Variants in NAALADL2 observed in about 807,000 individuals in gnomAD.
The protein encoded by NAALADL2 is N-acetylated alpha-linked acidic dipeptidase like 2, also known as inactive N-acetylated-alpha-linked acidic dipeptidase-like protein 2.
NAALADL2 carries 76 observed loss-of-function variants against 87.2 expected under a neutral mutation model. That is an observed-to-expected ratio of 0.87 (90% confidence interval 0.72 to 1.05). NAALADL2 has a LOEUF of 1.05. Among genes scored for constraint, NAALADL2 ranks in the 50% least tolerant of loss-of-function variants. The pLI, the probability that NAALADL2 is intolerant of heterozygous loss-of-function variation, is 0.00. For missense variants in NAALADL2, 1,089 were observed against 945.8 expected (o/e 1.15, Z -1.99); for synonymous variants, 354 against 331.0 (o/e 1.07, Z -0.75).
intron 2 of NAALADL2, among the ~76,000 whole-genome samples, chr3:175,194,366 T>A (rs1235409984): frequency 6.6e-6 from 1 of 151,796 alleles, no homozygotes; most frequent in Non-Finnish European, 1.5e-5. Context: ...GCTCACCTCA[T>A]CCCTACCAAA....
At chr3:175,692,267 T>C (rs1239235769) in intron 11 of NAALADL2, among the ~76,000 whole-genome samples, 1 of 152,120 alleles carries the variant, frequency 6.6e-6, no homozygotes, top group African/African-American at 2.4e-5. Flanking sequence ...TAATTATTCA[T>C]AGTTAGTTCA....
chr3:174,871,269 T>C (rs1029357986), intron 1 of NAALADL2, among the ~76,000 whole-genome samples: 3 of 152,226 alleles, frequency 2.0e-5, no homozygotes, highest in Non-Finnish European at 4.4e-5. Context: ...CTTTATATTA[T>C]CCATAAACAT....
chr3:174,601,339 C>A (rs1341588263), intron 2 of NAALADL2, among the ~76,000 whole-genome samples: 1 of 152,116 alleles, frequency 6.6e-6, no homozygotes, highest in African/African-American at 2.4e-5. Context: ...GCCATTTTAA[C>A]TGGGGTGAGA....
chr3:175,430,147 A>C lies in NAALADL2; in HGVS notation c.1091-17082A>C, dbSNP rs185071855. On this transcript the variant is annotated intron_variant, in intron 5 of 13. Transcript: ENST00000454872. ...AGAAACAGTGATTATTATTCTGTGG[A>C]TCCTTTCATCTTTAATATTCTGATT... 5.3e-5 allele frequency among the ~76,000 whole-genome samples: 8 copies of C among 151,984 alleles called. No homozygotes were observed. The East Asian group carries it at 9.7e-4, about 18-fold the overall frequency.
rs532267800 is a variant in NAALADL2, at chr3:174,841,014, C to T, written c.-9+103268C>T. ...CTCCTGGACTCATTTTTTAGGAAAG[C>T]ATGTTATGCCACTTTGACTTTATTA... On this transcript the variant is annotated intron_variant, in intron 3 of 3. Transcript: ENST00000434257. Among the ~76,000 whole-genome samples the T allele has an allele frequency of 2.0e-5, 3 of 147,390 alleles. No individual in the cohort carries two copies. In the Admixed American group the frequency reaches 2.1e-4, roughly 10 times the overall value.
intron 3 of NAALADL2, among the ~76,000 whole-genome samples, chr3:174,819,092 C>T (rs1485594186): frequency 2.1e-5 from 1 of 48,570 alleles, no homozygotes; most frequent in African/African-American, 7.1e-5. Context: ...TTTTTGGAGA[C>T]AGGATTTCCT....
At chr3:175,749,430 G>A (rs1746352904) in intron 12 of NAALADL2, among the ~76,000 whole-genome samples, 1 of 152,166 alleles carries the variant, frequency 6.6e-6, no homozygotes. Context: ...TGGAGGTTTG[G>A]AAGTCTAAGA....
chr3:174,718,301 C>T (rs1202673837), intron 2 of NAALADL2, among the ~76,000 whole-genome samples: 1 of 152,108 alleles, frequency 6.6e-6, no homozygotes. Flanking sequence ...CAATTTATAT[C>T]ATTGACCTTG....
intron 5 of NAALADL2, among the ~76,000 whole-genome samples, chr3:175,334,009 A>G (rs888582480): frequency 1.3e-5 from 2 of 152,204 alleles, no homozygotes; most frequent in African/African-American, 4.8e-5. Flanking sequence ...ATATTTTGAC[A>G]TCTTTGTATG....
chr3:174,582,968 A>G (rs1025325514), intron 2 of NAALADL2, among the ~76,000 whole-genome samples: 1 of 152,186 alleles, frequency 6.6e-6, no homozygotes, highest in Non-Finnish European at 1.5e-5. Flanking sequence ...GGAAATGTCT[A>G]AGTTCATCTG....
chr3:175,207,083 G>T (rs1420334784), intron 2 of NAALADL2, among the ~76,000 whole-genome samples: 2 of 152,014 alleles, frequency 1.3e-5, no homozygotes, highest in African/African-American at 4.8e-5. Context: ...ACATAAAGAC[G>T]GGTTGAATGA....
intron 2 of NAALADL2, among the ~76,000 whole-genome samples, chr3:174,680,737 A>C (rs1332567669): frequency 1.3e-5 from 2 of 152,198 alleles, no homozygotes; most frequent in Admixed American, 1.3e-4. Context: ...AAAATTACAT[A>C]GTGACATGCT....
chr3:174,684,263 T>C (rs1337666320), intron 2 of NAALADL2, among the ~76,000 whole-genome samples: 2 of 152,146 alleles, frequency 1.3e-5, no homozygotes, highest in East Asian at 1.9e-4. Context: ...ATAAACATTA[T>C]CTTTACTTGA....
chr3:175,350,072 TA>T (rs1763602246), intron 5 of NAALADL2, among the ~76,000 whole-genome samples: 1 of 147,372 alleles, frequency 6.8e-6, no homozygotes, highest in Non-Finnish European at 1.5e-5. Flanking sequence ...AAAAAAAGGA[TA>T]AACTTAATAG....
At chr3:174,596,784 G>A (rs1298290818) in intron 2 of NAALADL2, among the ~76,000 whole-genome samples, 4 of 152,084 alleles carry the variant, frequency 2.6e-5, no homozygotes, top group African/African-American at 4.8e-5. Flanking sequence ...CTCTTGTGAC[G>A]TCATGGCCAA....
intron 3 of NAALADL2, among the ~76,000 whole-genome samples, chr3:174,744,866 T>G (rs920728951): frequency 2.0e-5 from 3 of 151,996 alleles, no homozygotes; most frequent in African/African-American, 7.2e-5. Context: ...ATCATGAAAT[T>G]AAGGCAGAAA....
intron 12 of NAALADL2, among the ~76,000 whole-genome samples, chr3:175,751,294 C>A (rs1746596956): frequency 6.6e-6 from 1 of 150,986 alleles, no homozygotes; most frequent in Non-Finnish European, 1.5e-5. Context: ...GCAAGCACAG[C>A]AAAATAAAAT....
At chr3:175,597,312 A>G (rs1722374496) in intron 10 of NAALADL2, among the ~76,000 whole-genome samples, 3 of 151,936 alleles carry the variant, frequency 2.0e-5, no homozygotes, top group South Asian at 2.1e-4. Context: ...GTTTGTTGCT[A>G]TATCTGTGAA....
intron 5 of NAALADL2, among the ~76,000 whole-genome samples, chr3:175,363,229 G>A (rs1467080501): frequency 6.8e-6 from 1 of 146,876 alleles, no homozygotes; most frequent in Non-Finnish European, 1.5e-5. Context: ...ACACTGTCTT[G>A]CTTAATGGAT....
Sources: allele counts gnomAD v4.1 joint callset (sites outside exome capture counted in the v4.1 genomes callset), GRCh38; gene constraint gnomAD v4.1.1; transcripts MANE v1.5; gene names NCBI Gene and HGNC (gene_info 2026-07-23, HGNC 2026-07-21).